Variants in CLEC16A observed in about 807,000 individuals in gnomAD.
The protein encoded by CLEC16A is C-type lectin domain containing 16A.
A neutral mutation model predicts 109.5 loss-of-function variants in CLEC16A; 51 were observed. That is an observed-to-expected ratio of 0.47 (90% CI 0.37 to 0.59). The LOEUF is 0.59. CLEC16A is among the 20% of genes least tolerant of loss of function. The pLI is 0.00. For synonymous variants in CLEC16A, 673 were observed against 564.2 expected (o/e 1.19, Z -2.73); for missense variants, 1,339 against 1,394.0 (o/e 0.96, Z 0.63).
chr16:11,095,337 C>G (rs763562023), intron 19 of CLEC16A, among the ~76,000 whole-genome samples: 1 of 152,170 alleles, frequency 6.6e-6, no homozygotes, highest in Admixed American at 6.5e-5. Flanking sequence ...CAGCCTGGCA[C>G]ATCATGTTCT....
At chr16:11,111,280 A>T (rs993102214) in intron 19 of CLEC16A, among the ~76,000 whole-genome samples, 3 of 152,212 alleles carry the variant, frequency 2.0e-5, no homozygotes, top group Non-Finnish European at 4.4e-5. Context: ...CTCAATGGGA[A>T]TAACTCTGCT....
At chr16:11,124,139 A>C (rs184255336) in intron 21 of CLEC16A, among the ~76,000 whole-genome samples, 193 bp downstream of exon 21, 7 of 152,364 alleles carry the variant, frequency 4.6e-5, no homozygotes, top group Admixed American at 4.6e-4. Context: ...CTAGGGCTGC[A>C]TGGAAGAGAA....
chr16:11,110,958 G>C (rs1206747604), intron 19 of CLEC16A, among the ~76,000 whole-genome samples: 1 of 152,104 alleles, frequency 6.6e-6, no homozygotes, highest in Non-Finnish European at 1.5e-5. Context: ...TTCCTTCCCA[G>C]CATCTTAAAG....
intron 19 of CLEC16A, among the ~76,000 whole-genome samples, chr16:11,097,144 G>A (rs145456675): frequency 4.0e-4 from 61 of 152,206 alleles, no homozygotes; most frequent in Admixed American, 7.8e-4. Context: ...TGAGAACGGC[G>A]GTAACCTAAA....
intron 19 of CLEC16A, among the ~76,000 whole-genome samples, chr16:11,080,890 T>A (rs919363485): frequency 6.6e-6 from 1 of 152,216 alleles, no homozygotes; most frequent in African/African-American, 2.4e-5. Context: ...GCTCTTTGAT[T>A]CAGTCACACC....
At chr16:10,973,541 C>T (rs1376510033) in intron 7 of CLEC16A, among the ~76,000 whole-genome samples, 7 of 152,070 alleles carry the variant, frequency 4.6e-5, no homozygotes, top group Non-Finnish European at 1.0e-4. Context: ...TGTGTGGGGA[C>T]ATAGGAAGCA....
At chr16:11,086,610 T>C (rs1448176243) in intron 19 of CLEC16A, among the ~76,000 whole-genome samples, 1 of 152,176 alleles carries the variant, frequency 6.6e-6, no homozygotes, top group Non-Finnish European at 1.5e-5. Context: ...TGTCGCTATC[T>C]CTGCTCACTG....
intron 19 of CLEC16A, among the ~76,000 whole-genome samples, chr16:11,075,412 C>CTGTGTGTGTGTGTGTATGTGTG (rs2049310034): frequency 8.3e-6 from 1 of 120,550 alleles, no homozygotes; most frequent in Non-Finnish European, 1.8e-5. Flanking sequence ...GTGTGTGTGT[C>CTGTGTGTGTGTGTGTATGTGTG]TGTGTGTGTG....
chr16:11,016,393 G>T (rs1448627526), intron 11 of CLEC16A, among the ~76,000 whole-genome samples: 1 of 150,108 alleles, frequency 6.7e-6, no homozygotes, highest in African/African-American at 2.5e-5. Context: ...CTGTCACCCA[G>T]GCTGGAGTGC....
chr16:11,172,425 C>A (rs896356284), intron 23 of CLEC16A, among the ~76,000 whole-genome samples: 1 of 152,204 alleles, frequency 6.6e-6, no homozygotes, highest in African/African-American at 2.4e-5. Flanking sequence ...CCCACTCACA[C>A]CTCTGAGCTC....
At chr16:11,139,505 G>A (rs560021371) in intron 22 of CLEC16A, among the ~76,000 whole-genome samples, 1 of 152,166 alleles carries the variant, frequency 6.6e-6, no homozygotes, top group Non-Finnish European at 1.5e-5. Flanking sequence ...TTATCCCAGT[G>A]TGATAGGAAT....
intron 13 of CLEC16A, among the ~76,000 whole-genome samples, chr16:11,038,086 C>T (rs1009167635): frequency 1.3e-5 from 2 of 152,042 alleles, no homozygotes; most frequent in African/African-American, 2.4e-5. Flanking sequence ...GTCTTTAGGC[C>T]GTCCCTCACC....
At chr16:11,000,461 C>T (rs912936003) in intron 10 of CLEC16A, among the ~76,000 whole-genome samples, 10 of 152,072 alleles carry the variant, frequency 6.6e-5, no homozygotes, top group African/African-American at 2.2e-4. Context: ...GCTGTGTGGC[C>T]GGCTCTGAAA....
At chr16:11,107,285 T>C (rs534139670) in intron 19 of CLEC16A, among the ~76,000 whole-genome samples, 37 of 152,176 alleles carry the variant, frequency 2.4e-4, no homozygotes, top group Middle Eastern at 3.4e-3. Flanking sequence ...GTGCGGCTTA[T>C]AGGCCTGGCA....
intron 19 of CLEC16A, among the ~76,000 whole-genome samples, chr16:11,063,182 G>C (rs1031753271): frequency 5.9e-5 from 9 of 151,964 alleles, no homozygotes; most frequent in Non-Finnish European, 7.4e-5. Context: ...TGCTAAGGAG[G>C]GCGACTTTCA....
chr16:11,037,478 G>A lies in CLEC16A; in HGVS notation c.1538-2276G>A, dbSNP rs79766735. ...CCTTCACGGAGAGTTGAGAAAAGTC[G>A]AGATCATCTTGGGACGCTTTTCTTC... On this transcript the variant is annotated intron_variant, in intron 13 of 23. Transcript: ENST00000409790. 8.8e-3 allele frequency among the ~76,000 whole-genome samples: 1,342 copies of A among 152,246 alleles called. 24 individuals are homozygous for A. The highest frequency in any genetic ancestry group is 0.03 in the African/African-American group (1,265 of 41,522).
chr16:11,050,854 G>A (rs1429066344), intron 17 of CLEC16A, among the ~76,000 whole-genome samples: 5 of 152,260 alleles, frequency 3.3e-5, no homozygotes, highest in Non-Finnish European at 7.3e-5. Flanking sequence ...TCCCAGGTAA[G>A]ATGTGAAGGG....
At chr16:11,027,396 C>G in intron 13 of CLEC16A, 1 of 1,415,628 alleles carries the variant, frequency 7.1e-7, no homozygotes, top group Non-Finnish European at 9.9e-7. Flanking sequence ...AAAAGTCACC[C>G]CCCAGAATCT....
intron 19 of CLEC16A, among the ~76,000 whole-genome samples, chr16:11,085,857 G>A (rs536447389): frequency 6.6e-6 from 1 of 152,290 alleles, no homozygotes; most frequent in East Asian, 1.9e-4. Context: ...CTTCCAGAGA[G>A]CTGGGATTAC....
Sources: gnomAD v4.1 joint callset for allele counts (sites outside exome capture counted in the v4.1 genomes callset) on GRCh38, gnomAD v4.1.1 for gene constraint, MANE v1.5 for transcripts, NCBI Gene and HGNC (gene_info 2026-07-23, HGNC 2026-07-21) for gene names.